Variants in NEK6 observed in about 807,000 individuals in gnomAD.
NEK6 encodes NIMA related kinase 6, also known as serine/threonine-protein kinase Nek6.
A neutral mutation model predicts 43.5 loss-of-function variants in NEK6; 27 were observed. The ratio of observed to expected loss-of-function variants is 0.62; its 90% confidence interval spans 0.46 to 0.86. The LOEUF (loss-of-function observed/expected upper bound fraction) is 0.86, where lower values mean the gene tolerates loss of function less well. NEK6 is among the 40% of genes least tolerant of loss of function. The pLI is 0.00. For synonymous variants in NEK6, 167 were observed against 164.1 expected (o/e 1.02, Z -0.14); for missense variants, 318 against 414.4 (o/e 0.77, Z 2.02).
At chr9:124,327,977 G>T (rs1564651031) in intron 7 of NEK6, among the ~76,000 whole-genome samples, 1 of 152,132 alleles carries the variant, frequency 6.6e-6, no homozygotes, top group South Asian at 2.1e-4. Flanking sequence ...GGTGAGCCTC[G>T]GTGTGCGGCT....
chr9:124,341,203 C>T (rs141283478), intron 8 of NEK6, among the ~76,000 whole-genome samples: 130 of 152,284 alleles, frequency 8.5e-4, no homozygotes, highest in Non-Finnish European at 1.6e-3. Context: ...CCACCCCACC[C>T]GGCAAATTTT....
intron 1 of NEK6, among the ~76,000 whole-genome samples, chr9:124,276,103 G>C (rs978009416): frequency 2.6e-5 from 4 of 152,120 alleles, no homozygotes; most frequent in African/African-American, 9.7e-5. Flanking sequence ...GAGGGGGAAC[G>C]GGGCTGTCCT....
intron 2 of NEK6, among the ~76,000 whole-genome samples, chr9:124,303,755 AG>A (rs945140874): frequency 2.0e-5 from 3 of 152,236 alleles, no homozygotes; most frequent in Non-Finnish European, 4.4e-5. Flanking sequence ...AGAGTCTACC[AG>A]GACATGGTGC....
intron 3 of NEK6, among the ~76,000 whole-genome samples, chr9:124,313,075 C>T (rs369792996): frequency 1.0e-3 from 153 of 152,272 alleles, no homozygotes; most frequent in Non-Finnish European, 1.6e-3. Flanking sequence ...TGCGTCCCTC[C>T]TAAATGGAGG....
chr9:124,257,968 A>G lies in NEK6; in HGVS notation c.-147A>G. Reference sequence around the variant, plus strand: ...GCGCAGGCGGTGGCGGCGGCGGCGGAACCGAGCTGACGGGCGTGCGGCCGC... The same window carrying G: ...GCGCAGGCGGTGGCGGCGGCGGCGGGACCGAGCTGACGGGCGTGCGGCCGC... On this transcript the variant is annotated 5_prime_UTR_variant, in exon 1 of 10. Transcript: ENST00000320246. 1 of 977,344 alleles carries G rather than the reference A, an allele frequency of 1.0e-6. No homozygotes were observed. The highest frequency in any genetic ancestry group is 1.2e-4 in the East Asian group (1 of 8,538). 60.5% of individuals were successfully genotyped at this position (977,344 alleles called of 1,614,324 possible). A position where few individuals can be genotyped will look rare whatever the true frequency, so the allele number is the denominator to read the frequency against.
chr9:124,261,802 C>T (rs2118850088), intron 1 of NEK6, among the ~76,000 whole-genome samples: 1 of 152,268 alleles, frequency 6.6e-6, no homozygotes, highest in African/African-American at 2.4e-5. Context: ...AATTGACGAA[C>T]ATTTGCAAAT....
In NEK6 at chr9:124,275,608, C is replaced by T. The variant is rs1831619319; in HGVS notation, c.-30+17523C>T. Among the ~76,000 whole-genome samples, 1 of 152,218 alleles carries T rather than the reference C, an allele frequency of 6.6e-6. No homozygotes were observed. Among genetic ancestry groups the T allele is most frequent in the Non-Finnish European group, 1.5e-5 (1 of 68,032 alleles). On this transcript the variant is annotated intron_variant, in intron 1 of 9. Transcript: ENST00000320246. This position sits in a 1 kb window ranked among gnomAD's most constrained non-coding sequence, Gnocchi z 4.4. The stretch of plus-strand genomic sequence containing the variant: ...GCTTAGAAACCCCTGCTTGGTGCCT[C>T]CATAGCCCCTTCTGCATCTTCCCCA...
At chr9:124,313,542 A>G (rs1833654076) in intron 3 of NEK6, among the ~76,000 whole-genome samples, 2 of 151,940 alleles carry the variant, frequency 1.3e-5, no homozygotes, top group South Asian at 4.2e-4. Context: ...TAATTTTTAT[A>G]TTTTTAGTAG....
chr9:124,266,706 A>T (rs1831241559), intron 1 of NEK6, among the ~76,000 whole-genome samples: 1 of 152,202 alleles, frequency 6.6e-6, no homozygotes, highest in Non-Finnish European at 1.5e-5. Flanking sequence ...ACATAGGAGG[A>T]GCTCAATTAA....
At chr9:124,333,992 T>C (rs139834760) in intron 7 of NEK6, among the ~76,000 whole-genome samples, 88 of 152,244 alleles carry the variant, frequency 5.8e-4, no homozygotes, top group Middle Eastern at 3.4e-3. Flanking sequence ...TTAGCCAGGA[T>C]GGTCTCGATC....
At chr9:124,304,347 C>T (rs891148518) in intron 2 of NEK6, among the ~76,000 whole-genome samples, 4 of 152,214 alleles carry the variant, frequency 2.6e-5, no homozygotes, top group African/African-American at 9.6e-5. Flanking sequence ...AAACCATCCT[C>T]AGAGGAAGGA....
At chr9:124,266,912 A>C (rs1251562991) in intron 1 of NEK6, among the ~76,000 whole-genome samples, 1 of 152,162 alleles carries the variant, frequency 6.6e-6, no homozygotes, top group Non-Finnish European at 1.5e-5. Flanking sequence ...GAATTATTCC[A>C]ATGAGGAGGA....
chr9:124,261,992 G>A (rs1335031657), intron 1 of NEK6, among the ~76,000 whole-genome samples: 1 of 151,174 alleles, frequency 6.6e-6, no homozygotes. Context: ...TTAGGAAGTG[G>A]TGTGCACATG....
intron 1 of NEK6, among the ~76,000 whole-genome samples, chr9:124,283,720 C>T (rs969957533): frequency 6.6e-5 from 10 of 152,244 alleles, no homozygotes; most frequent in Non-Finnish European, 1.0e-4. Flanking sequence ...GCTTGCCTCA[C>T]CTTTAGGCCT....
intron 8 of NEK6, among the ~76,000 whole-genome samples, chr9:124,344,030 G>A (rs948419717): frequency 1.5e-4 from 23 of 152,176 alleles, no homozygotes; most frequent in African/African-American, 5.3e-4. Flanking sequence ...CGTTCTGGGG[G>A]CGAATCTGTT....
At chr9:124,295,227 G>A (rs905242163) in intron 1 of NEK6, among the ~76,000 whole-genome samples, 4 of 152,222 alleles carry the variant, frequency 2.6e-5, no homozygotes, top group Non-Finnish European at 5.9e-5. Flanking sequence ...TGCAGAATCC[G>A]GGCAGGATGC....
rs113331362 is a variant in NEK6, at chr9:124,280,136, C to A, written c.-29-21800C>A. 7.6e-3 allele frequency among the ~76,000 whole-genome samples: 1,152 copies of A among 152,242 alleles called. 13 individuals are homozygous for A. Among genetic ancestry groups the A allele is most frequent in the African/African-American group, 0.027 (1,106 of 41,594 alleles). ...CTTTGAGCCTGGAATTCCAGGTGTGCCTGGCTGTGTCCTTGCAGGTTCACA... is the reference window on the plus strand; with the variant it reads ...CTTTGAGCCTGGAATTCCAGGTGTGACTGGCTGTGTCCTTGCAGGTTCACA... On this transcript the variant is annotated intron_variant, in intron 1 of 9. Coordinates refer to ENST00000320246, the MANE Select transcript of NEK6 (RefSeq NM_014397.6).
At position 124,343,529 on chromosome 9, in the gene NEK6, C is replaced by T. The variant is rs1402084854; in HGVS notation, c.717+3864C>T. 5.9e-5 allele frequency among the ~76,000 whole-genome samples: 9 copies of T among 152,134 alleles called. No homozygotes were observed. Among genetic ancestry groups the T allele is most frequent in the Non-Finnish European group, 1.2e-4 (8 of 67,982 alleles). On this transcript the variant is annotated intron_variant, in intron 8 of 9. Transcript: ENST00000320246. This position sits in a 1 kb window ranked among gnomAD's most constrained non-coding sequence, Gnocchi z 5.1. ...GGGGCAGGGGCTCTGTGCCAAGTGA[C>T]CCCCTCCCCACTCCTGCAGTCCCTA...
chr9:124,352,461 T>C lies in NEK6; in HGVS notation c.*1514T>C, dbSNP rs1830322384. 1 of 152,250 alleles carries C rather than the reference T, an allele frequency of 6.6e-6. No homozygotes were observed. The highest frequency in any genetic ancestry group is 1.5e-5 in the Non-Finnish European group (1 of 68,034). The allele number at this position is 152,250 out of a possible 1,614,324, so 9.4% of individuals were successfully genotyped here. A position where few individuals can be genotyped will look rare whatever the true frequency, so the allele number is the denominator to read the frequency against. On this transcript the variant is annotated 3_prime_UTR_variant, in exon 10 of 10. Transcript: ENST00000320246. ...TTTAAAATGGCTTTGGAGATTTTGC[T>C]TTTAAACCAGTAGATTCAAAACTTA...
Sources: allele counts gnomAD v4.1 joint callset (sites outside exome capture counted in the v4.1 genomes callset), GRCh38; gene constraint gnomAD v4.1.1; non-coding constraint Gnocchi (gnomAD v3.1); transcripts MANE v1.5; gene names NCBI Gene and HGNC (gene_info 2026-07-23, HGNC 2026-07-21).